The following RBM47 variants were observed in gnomAD, a reference collection of about 807,000 sequenced individuals.
The protein encoded by RBM47 is RNA-binding protein 47.
A neutral mutation model predicts 47.1 loss-of-function variants in RBM47; 21 were observed. The ratio of observed to expected loss-of-function variants is 0.45; its 90% CI spans 0.32 to 0.64. The LOEUF (loss-of-function observed/expected upper bound fraction) is 0.64. Among genes scored for constraint, RBM47 ranks in the 30% least tolerant of loss-of-function variants. The pLI is 0.05. For synonymous variants in RBM47, 375 were observed against 361.7 expected (o/e 1.04, Z -0.42); for missense variants, 708 against 870.9 (o/e 0.81, Z 2.35).
At chr4:40,454,559 A>T (rs897974268) in intron 3 of RBM47, among the ~76,000 whole-genome samples, 2 of 152,078 alleles carry the variant, frequency 1.3e-5, no homozygotes, top group African/African-American at 4.8e-5. Context: ...GTGCAGTGGC[A>T]CCATCTCAGC....
chr4:40,497,543 C>T (rs1722771299), intron 2 of RBM47, among the ~76,000 whole-genome samples: 1 of 151,832 alleles, frequency 6.6e-6, no homozygotes, highest in Non-Finnish European at 1.5e-5. Context: ...GGCTTGAGTC[C>T]AGGAAGTCAA....
At chr4:40,626,521 G>A (rs568140051) in intron 1 of RBM47, among the ~76,000 whole-genome samples, 9 of 152,126 alleles carry the variant, frequency 5.9e-5, no homozygotes, top group Non-Finnish European at 1.3e-4. Context: ...TCCACACTAG[G>A]ACCACATTCA....
intron 2 of RBM47, among the ~76,000 whole-genome samples, chr4:40,467,335 G>A (rs1300959598): frequency 1.3e-5 from 2 of 151,940 alleles, no homozygotes; most frequent in Admixed American, 6.6e-5. Context: ...TGTCGCCCAG[G>A]CTGGAGTGCA....
chr4:40,572,879 C>T (rs1331584705), intron 1 of RBM47, among the ~76,000 whole-genome samples: 3 of 151,616 alleles, frequency 2.0e-5, no homozygotes, highest in Non-Finnish European at 4.4e-5. Flanking sequence ...GGGCCGGATG[C>T]GGTAACTCAC....
At chr4:40,456,571 C>CT (rs34320480) in intron 3 of RBM47, among the ~76,000 whole-genome samples, 75,475 of 112,662 alleles carry the variant, frequency 0.67, 25,950 homozygotes, top group South Asian at 0.78. Context: ...TTTCTTTTTT[C>CT]TTTTTTTTTT....
chr4:40,437,907 C>T lies in RBM47; in HGVS notation c.987G>A (p.Lys329=), dbSNP rs750436217. 5.6e-6 allele frequency: 9 copies of T among 1,613,814 alleles called. No homozygotes were observed. Among genetic ancestry groups the T allele is most frequent in the African/African-American group, 1.3e-5 (1 of 74,944 alleles). Residue 329 remains lysine (K), a synonymous_variant, in exon 4 of 7, where the codon AAG becomes AAA. Transcript: ENST00000295971. ...CAGCCGCGCCGCCGCCCCTGGCTGC[C>T]TTCTGGTAGCGCGAGTACTGCTCCT... ...VDKEQYSRYQ[K]AARGGGAAEA... is the part of the protein sequence containing the mutation.
At chr4:40,476,529 A>C (rs1469902429) in intron 2 of RBM47, among the ~76,000 whole-genome samples, 1 of 152,086 alleles carries the variant, frequency 6.6e-6, no homozygotes, top group Non-Finnish European at 1.5e-5. Flanking sequence ...AGAAGCAGGC[A>C]GTACAGCAGG....
intron 1 of RBM47, among the ~76,000 whole-genome samples, chr4:40,569,779 C>G (rs985908007): frequency 6.6e-6 from 1 of 150,912 alleles, no homozygotes; most frequent in Non-Finnish European, 1.5e-5. Flanking sequence ...GCCGCAATCT[C>G]GGCTCACTGC....
At chr4:40,608,700 C>A (rs1334926465) in intron 1 of RBM47, among the ~76,000 whole-genome samples, 1 of 152,190 alleles carries the variant, frequency 6.6e-6, no homozygotes, top group Admixed American at 6.5e-5. Flanking sequence ...CAGCAATAAC[C>A]ATTTTGACTG....
At chr4:40,531,211 T>C (rs1460061397) in intron 2 of RBM47, among the ~76,000 whole-genome samples, 1 of 151,802 alleles carries the variant, frequency 6.6e-6, no homozygotes, top group Non-Finnish European at 1.5e-5. Flanking sequence ...GTGACAAAGG[T>C]GACCTGGAGA....
chr4:40,507,351 T>A (rs921277191), intron 2 of RBM47, among the ~76,000 whole-genome samples: 6 of 152,060 alleles, frequency 3.9e-5, no homozygotes, highest in African/African-American at 1.4e-4. Context: ...CTAACTTTCT[T>A]ATGATGATTA....
intron 3 of RBM47, among the ~76,000 whole-genome samples, chr4:40,443,664 C>A (rs926629571): frequency 4.9e-5 from 6 of 123,464 alleles, no homozygotes; most frequent in African/African-American, 1.9e-4. Flanking sequence ...TTGTGGTGTG[C>A]TGAGATGGCG....
chr4:40,538,590 G>A (rs149987676), intron 2 of RBM47, among the ~76,000 whole-genome samples: 4,340 of 152,070 alleles, frequency 0.029, 216 homozygotes, highest in African/African-American at 0.098. Context: ...CTCCCAAAGT[G>A]CTGGGATTAT....
At chr4:40,485,590 A>G (rs1205811140) in intron 2 of RBM47, among the ~76,000 whole-genome samples, 2 of 152,192 alleles carry the variant, frequency 1.3e-5, no homozygotes, top group East Asian at 1.9e-4. Flanking sequence ...AGAAACACCA[A>G]TGCTAAAATT....
At chr4:40,568,959 C>T (rs562868960) in intron 1 of RBM47, among the ~76,000 whole-genome samples, 12 of 150,092 alleles carry the variant, frequency 8.0e-5, no homozygotes, top group Middle Eastern at 3.4e-3. Context: ...CCAGCCTGGG[C>T]GACAATAGTG....
At chr4:40,581,503 G>A (rs765701371) in intron 1 of RBM47, among the ~76,000 whole-genome samples, 1 of 151,352 alleles carries the variant, frequency 6.6e-6, no homozygotes, top group African/African-American at 2.4e-5. Context: ...AGCTTGCAGG[G>A]GGACTCTGGG....
chr4:40,600,985 C>CAAAAAAA (rs56054491), intron 1 of RBM47, among the ~76,000 whole-genome samples: 15 of 50,104 alleles, frequency 3.0e-4, no homozygotes, highest in Admixed American at 6.0e-4. Context: ...AACTCCGTCT[C>CAAAAAAA]AAAAAAAAAA....
At chr4:40,623,906 C>T (rs553017017) in intron 1 of RBM47, among the ~76,000 whole-genome samples, 16 of 152,134 alleles carry the variant, frequency 1.1e-4, no homozygotes, top group African/African-American at 3.4e-4. Context: ...GGCTGGAGTG[C>T]AGTGACGCAA....
At chr4:40,484,665 C>T (rs2154243372) in intron 2 of RBM47, among the ~76,000 whole-genome samples, 1 of 152,284 alleles carries the variant, frequency 6.6e-6, no homozygotes. Flanking sequence ...TCCCTTCAAC[C>T]TCAACAGATA....
Sources: allele counts gnomAD v4.1 joint callset (sites outside exome capture counted in the v4.1 genomes callset), GRCh38; gene constraint gnomAD v4.1.1; transcripts MANE v1.5; gene names NCBI Gene and HGNC (gene_info 2026-07-23, HGNC 2026-07-21).